Variants in TRABD2B observed in about 807,000 individuals in gnomAD.
TRABD2B encodes TraB domain containing 2B, also known as metalloprotease TIKI2.
In TRABD2B, 14 loss-of-function variants were observed where a neutral mutation model predicts 40.1. That is an observed-to-expected ratio of 0.35 (90% confidence interval 0.23 to 0.55). TRABD2B has a LOEUF of 0.55. Among genes scored for constraint, TRABD2B ranks in the 20% least tolerant of loss-of-function variants. The pLI, the probability that TRABD2B is intolerant of heterozygous loss-of-function variation, is 0.90. For missense variants in TRABD2B, 541 were observed against 648.6 expected (o/e 0.83, Z 1.80); for synonymous variants, 263 against 277.0 (o/e 0.95, Z 0.50).
chr1:47,882,899 T>C (rs1408329012), intron 2 of TRABD2B, among the ~76,000 whole-genome samples: 1 of 152,024 alleles, frequency 6.6e-6, no homozygotes, highest in Non-Finnish European at 1.5e-5. Flanking sequence ...GGTAAAAGGA[T>C]TGGGAGAGGA....
chr1:47,828,092 A>G (rs1362947947), intron 2 of TRABD2B, among the ~76,000 whole-genome samples: 1 of 152,148 alleles, frequency 6.6e-6, no homozygotes, highest in African/African-American at 2.4e-5. Context: ...TGCCTGAGGT[A>G]TTAACAACAT....
chr1:47,793,685 C>T (rs537671208), intron 4 of TRABD2B, among the ~76,000 whole-genome samples: 1 of 152,334 alleles, frequency 6.6e-6, no homozygotes, highest in African/African-American at 2.4e-5. Flanking sequence ...ATGTCTGTTG[C>T]TGTCAGTTAC....
chr1:47,887,453 A>G (rs1644385480), intron 2 of TRABD2B, among the ~76,000 whole-genome samples: 2 of 151,968 alleles, frequency 1.3e-5, no homozygotes, highest in Admixed American at 6.6e-5. Context: ...TCATGACTCA[A>G]TTTCCCCTAA....
chr1:47,795,643 A>G, intron 3 of TRABD2B: 1 of 985,006 alleles, frequency 1.0e-6, no homozygotes, highest in Non-Finnish European at 1.2e-6. Context: ...CAATAAGAGG[A>G]TGGGGGCTGT....
At chr1:47,857,885 T>G in intron 2 of TRABD2B, among the ~76,000 whole-genome samples, 1 of 135,294 alleles carries the variant, frequency 7.4e-6, no homozygotes, top group South Asian at 3.1e-4. Context: ...GTTAATACGG[T>G]ACCCACCCCC....
intron 2 of TRABD2B, among the ~76,000 whole-genome samples, chr1:47,833,429 A>G (rs763471878): frequency 1.3e-5 from 2 of 152,262 alleles, no homozygotes; most frequent in Non-Finnish European, 2.9e-5. Flanking sequence ...ATAGGGCAGT[A>G]GCATTTGGTT....
At chr1:47,952,414 G>T (rs1375597029) in intron 2 of TRABD2B, among the ~76,000 whole-genome samples, 1 of 152,136 alleles carries the variant, frequency 6.6e-6, no homozygotes, top group South Asian at 2.1e-4. Flanking sequence ...ACATCTGGTG[G>T]CCTTTAGATA....
intron 6 of TRABD2B, among the ~76,000 whole-genome samples, chr1:47,770,099 A>G (rs1355019834): frequency 6.6e-6 from 1 of 152,152 alleles, no homozygotes; most frequent in Non-Finnish European, 1.5e-5. Flanking sequence ...GGGCATCCCA[A>G]GCCTTCTTGC....
At chr1:47,959,650 A>G (rs543436816) in intron 2 of TRABD2B, among the ~76,000 whole-genome samples, 14 of 152,344 alleles carry the variant, frequency 9.2e-5, no homozygotes, top group Non-Finnish European at 2.1e-4. Context: ...CACCCTCCCA[A>G]GACTAAACCA....
chr1:47,806,344 A>T (rs529362709), intron 2 of TRABD2B, among the ~76,000 whole-genome samples: 1 of 152,284 alleles, frequency 6.6e-6, no homozygotes, highest in South Asian at 2.1e-4. Context: ...TTTATAATGA[A>T]GCGCCTGGCC....
chr1:47,948,618 G>A (rs1645294576), intron 2 of TRABD2B, among the ~76,000 whole-genome samples: 1 of 152,128 alleles, frequency 6.6e-6, no homozygotes, highest in African/African-American at 2.4e-5. Context: ...AGGAAATGCA[G>A]CTCCAAGACC....
intron 4 of TRABD2B, among the ~76,000 whole-genome samples, chr1:47,786,994 T>G (rs1481702746): frequency 6.6e-6 from 1 of 152,142 alleles, no homozygotes; most frequent in African/African-American, 2.4e-5. Flanking sequence ...TGTGAGCCAC[T>G]GTGACTGGCC....
intron 2 of TRABD2B, among the ~76,000 whole-genome samples, chr1:47,810,690 G>A (rs560829477): frequency 2.0e-5 from 3 of 152,346 alleles, no homozygotes; most frequent in Admixed American, 1.3e-4. Flanking sequence ...GAATATTCAC[G>A]AAGGTGTGGG....
chr1:47,875,004 G>C (rs1414084940), intron 2 of TRABD2B, among the ~76,000 whole-genome samples: 1 of 152,064 alleles, frequency 6.6e-6, no homozygotes, highest in African/African-American at 2.4e-5. Flanking sequence ...TCACACACTT[G>C]CTCATAGTGA....
chr1:47,803,567 T>C (rs1002925403), intron 2 of TRABD2B, among the ~76,000 whole-genome samples: 2 of 152,152 alleles, frequency 1.3e-5, no homozygotes, highest in Non-Finnish European at 2.9e-5. Flanking sequence ...TTCACAATTG[T>C]CCCCAGATGC....
At chr1:47,885,918 A>G (rs1166469986) in intron 2 of TRABD2B, among the ~76,000 whole-genome samples, 1 of 152,190 alleles carries the variant, frequency 6.6e-6, no homozygotes, top group African/African-American at 2.4e-5. Context: ...ATATTTAATC[A>G]AAGTCTAGTT....
rs577444041 is a variant in TRABD2B at position 47,843,544 on chromosome 1, C to T, written c.667-41925G>A. On this transcript the variant is annotated intron_variant, in intron 2 of 6. Transcript: ENST00000606738. ...TTGAAGTGCCTGCTGAACAACCAGA[C>T]GGAGTGTCAGGAAGGAAGTCCAGGA... 7.9e-5 allele frequency among the ~76,000 whole-genome samples: 12 copies of T among 152,150 alleles called. No individual in the cohort carries two copies. The East Asian group carries it at 9.7e-4, about 12-fold the overall frequency.
At chr1:47,942,464 T>G (rs1011316777) in intron 2 of TRABD2B, among the ~76,000 whole-genome samples, 2 of 152,102 alleles carry the variant, frequency 1.3e-5, no homozygotes, top group Non-Finnish European at 1.5e-5. Context: ...CAAGCACTAC[T>G]CCAGACCAAG....
intron 2 of TRABD2B, among the ~76,000 whole-genome samples, chr1:47,846,894 A>ACACACACACACACACACACG (rs1439715341): frequency 0.014 from 2,108 of 145,642 alleles, 62 homozygotes; most frequent in East Asian, 0.052. Flanking sequence ...ACACACACAC[A>ACACACACACACACACACACG]CAAATGAGGG....
Sources: allele counts gnomAD v4.1 joint callset (sites outside exome capture counted in the v4.1 genomes callset), GRCh38; gene constraint gnomAD v4.1.1; transcripts MANE v1.5; gene names NCBI Gene and HGNC (gene_info 2026-07-23, HGNC 2026-07-21).